Variants in EVA1C observed in about 807,000 individuals in gnomAD.
The protein encoded by EVA1C is eva-1 homolog C.
Under a neutral mutation model 45.4 loss-of-function variants are expected in EVA1C, and 25 were observed. The observed-to-expected ratio is 0.55, with a 90% CI of 0.40 to 0.77. The LOEUF (loss-of-function observed/expected upper bound fraction) is 0.77. EVA1C is among the 30% of genes least tolerant of loss of function. The pLI is 0.00. For synonymous variants in EVA1C, 190 were observed against 221.2 expected (o/e 0.86, Z 1.25); for missense variants, 479 against 554.8 (o/e 0.86, Z 1.37).
chr21:32,501,001 CGGG>C lies in EVA1C; in HGVS notation c.779-412_779-410del, dbSNP rs199976622. Among the ~76,000 whole-genome samples, 1,037 of 152,068 alleles carry C rather than the reference CGGG, an allele frequency of 6.8e-3. 17 individuals are homozygous for C. The highest frequency in any genetic ancestry group is 0.046 in the East Asian group (239 of 5,174). ...GCTAACTTTGTATTTTCAGTACAGA[CGGG>C]GTTTCATCATGTTGGCCAGGCTGGT... On this transcript the variant is annotated intron_variant, in intron 5 of 7. Transcript: ENST00000300255.
chr21:32,458,351 G>C (rs1273200653), intron 3 of EVA1C, among the ~76,000 whole-genome samples: 1 of 152,062 alleles, frequency 6.6e-6, no homozygotes, highest in Non-Finnish European at 1.5e-5. Context: ...TCCGTGGGTG[G>C]GTCACACTTC....
chr21:32,453,261 G>A, intron 1 of EVA1C, 51 bp from the exon 2 acceptor site: 2 of 1,387,260 alleles, frequency 1.4e-6, no homozygotes, highest in South Asian at 1.3e-5. Context: ...CAAACCCATG[G>A]AGGAGTGGTG....
In EVA1C at chr21:32,503,930, A is replaced by C. The variant is rs2146444602; in HGVS notation, c.864A>C (p.Ile288=). 1 of 1,609,554 alleles carries C rather than the reference A, an allele frequency of 6.2e-7. No individual in the cohort carries two copies. The highest frequency in any genetic ancestry group is 1.1e-5 in the South Asian group (1 of 90,672). ...SLKQKDGEYG[I]NFDPSGSKVL... is the part of the protein sequence containing the mutation. ...CTTGCATTTTTCATGAAACAGGTAT[A>C]AACTTCGACCCAAGCGGATCGAAGG... Residue 288 remains isoleucine (I), a synonymous_variant, in exon 7 of 8, where the codon ATA becomes ATC. Transcript: ENST00000300255.
intron 2 of EVA1C, among the ~76,000 whole-genome samples, chr21:32,454,939 C>G (rs2035724046): frequency 6.6e-6 from 1 of 152,136 alleles, no homozygotes; most frequent in African/African-American, 2.4e-5. Flanking sequence ...GAATGACTCC[C>G]CATGACATGG....
chr21:32,429,293 G>A (rs979456429), intron 1 of EVA1C, among the ~76,000 whole-genome samples: 9 of 151,710 alleles, frequency 5.9e-5, no homozygotes, highest in East Asian at 5.8e-4. Flanking sequence ...CTCCTGCCTC[G>A]GCCTCCCAAA....
At chr21:32,421,469 T>A (rs1020289404) in intron 1 of EVA1C, among the ~76,000 whole-genome samples, 1 of 152,182 alleles carries the variant, frequency 6.6e-6, no homozygotes, top group South Asian at 2.1e-4. Context: ...AAAAAAATAA[T>A]GTCTCTTGAG....
In EVA1C at chr21:32,437,028, C is replaced by T. The variant is rs12626505; in HGVS notation, c.161-16284C>T. On this transcript the variant is annotated intron_variant, in intron 1 of 7. Transcript: ENST00000300255. ...TATAAAAATTAGCCGGGCGTGGTGGCGGGTGGCTGTAGTCCCAGCTACTTG... is the reference window on the plus strand; with the variant it reads ...TATAAAAATTAGCCGGGCGTGGTGGTGGGTGGCTGTAGTCCCAGCTACTTG... Among the ~76,000 whole-genome samples, 1,230 of 152,162 alleles carry T rather than the reference C, an allele frequency of 8.1e-3. 60 individuals carry two copies. The East Asian group carries it at 0.15, about 19-fold the overall frequency.
At chr21:32,491,833 T>C (rs1601409662) in intron 4 of EVA1C, among the ~76,000 whole-genome samples, 1 of 151,348 alleles carries the variant, frequency 6.6e-6, no homozygotes. Flanking sequence ...TAGGAGGAGA[T>C]GATAGGTGCA....
chr21:32,468,532 A>G (rs1035851141), intron 4 of EVA1C, among the ~76,000 whole-genome samples: 3 of 151,908 alleles, frequency 2.0e-5, no homozygotes, highest in Admixed American at 6.6e-5. Context: ...ATTAAGTATT[A>G]ATTTACACGA....
chr21:32,419,819 G>A (rs2146107818), intron 1 of EVA1C, among the ~76,000 whole-genome samples: 1 of 152,220 alleles, frequency 6.6e-6, no homozygotes, highest in Non-Finnish European at 1.5e-5. Context: ...TGGGGGCTGG[G>A]GGGAGGTCTG....
At position 32,472,197 on chromosome 21, in the gene EVA1C, C is replaced by T. The variant is rs111728201; in HGVS notation, c.634+4349C>T. ...TTTTTGAGACAGACTCTCGCTCTGT[C>T]GCCCACGCTGGAGTGCAATGGTGTG... On this transcript the variant is annotated intron_variant, in intron 4 of 7. Transcript: ENST00000300255. 2.2e-4 allele frequency among the ~76,000 whole-genome samples: 34 copies of T among 152,208 alleles called. 1 individual carries two copies. The highest frequency in any genetic ancestry group is 7.7e-4 in the African/African-American group (32 of 41,530).
chr21:32,459,525 T>C (rs1259941978), intron 3 of EVA1C, among the ~76,000 whole-genome samples: 9 of 152,124 alleles, frequency 5.9e-5, no homozygotes, highest in South Asian at 2.1e-4. Context: ...CCTCCTTCCA[T>C]GGTGTAAAAT....
intron 7 of EVA1C, among the ~76,000 whole-genome samples, chr21:32,512,115 G>T (rs1259239756): frequency 6.6e-6 from 1 of 152,166 alleles, no homozygotes; most frequent in African/African-American, 2.4e-5. Flanking sequence ...AGGGGAGTAA[G>T]GAGCTTGGAA....
intron 1 of EVA1C, among the ~76,000 whole-genome samples, chr21:32,443,861 G>T (rs1049142152): frequency 2.0e-5 from 3 of 152,124 alleles, no homozygotes; most frequent in African/African-American, 7.2e-5. Context: ...CCAAATTCCG[G>T]AAAGGTAACT....
At chr21:32,429,328 A>G (rs576466341) in intron 1 of EVA1C, among the ~76,000 whole-genome samples, 20 of 151,442 alleles carry the variant, frequency 1.3e-4, no homozygotes, top group African/African-American at 4.9e-4. Flanking sequence ...GGCGTGAGCC[A>G]CCGTGCCTGG....
chr21:32,443,116 T>C (rs2035241230), intron 1 of EVA1C, among the ~76,000 whole-genome samples: 1 of 152,188 alleles, frequency 6.6e-6, no homozygotes, highest in African/African-American at 2.4e-5. Context: ...GGCTATGTAC[T>C]GGTCTCTGAG....
At chr21:32,505,970 G>T (rs1461796605) in intron 7 of EVA1C, among the ~76,000 whole-genome samples, 1 of 152,038 alleles carries the variant, frequency 6.6e-6, no homozygotes, top group Non-Finnish European at 1.5e-5. Context: ...CCATTTGCCT[G>T]AGGACACCAT....
chr21:32,423,507 G>A (rs561183235), intron 1 of EVA1C, among the ~76,000 whole-genome samples: 2 of 152,218 alleles, frequency 1.3e-5, no homozygotes, highest in Admixed American at 6.5e-5. Context: ...TTTGAGGGAT[G>A]AGCAATCGAT....
Position 32,507,698 on chromosome 21 carries a change from G to A in EVA1C, c.949+3683G>A, listed in dbSNP as rs111213012. On this transcript the variant is annotated intron_variant, in intron 7 of 7. Transcript: ENST00000300255. ...TGTATCTGTGTGCATGTGTGCATGC[G>A]TATGTGCACGTGTGTGTGCATGTGT... Among the ~76,000 whole-genome samples the A allele has an allele frequency of 7.9e-5, 12 of 151,868 alleles. No homozygotes were observed. In the East Asian group the frequency reaches 9.7e-4, roughly 12 times the overall value.
Sources: allele counts gnomAD v4.1 joint callset (sites outside exome capture counted in the v4.1 genomes callset), GRCh38; gene constraint gnomAD v4.1.1; transcripts MANE v1.5; gene names NCBI Gene and HGNC (gene_info 2026-07-23, HGNC 2026-07-21).